Variants in ZFP91 observed in about 807,000 individuals in gnomAD.
ZFP91 encodes ZFP91 zinc finger protein, atypical E3 ubiquitin ligase.
ZFP91 carries 7 observed loss-of-function variants against 63.5 expected under a neutral mutation model. The observed-to-expected ratio is 0.11, with a 90% CI of 0.06 to 0.21. ZFP91 has a LOEUF of 0.21. Ranked by LOEUF, ZFP91 falls within the 10% of genes least tolerant of loss-of-function variation. ZFP91 has a pLI of 1.00. For missense variants in ZFP91, 628 were observed against 736.6 expected (o/e 0.85, Z 1.71); for synonymous variants, 330 against 272.1 (o/e 1.21, Z -2.10).
At chr11:58,603,301 G>A (rs1292212847) in intron 2 of ZFP91, among the ~76,000 whole-genome samples, 2 of 152,218 alleles carry the variant, frequency 1.3e-5, no homozygotes, top group African/African-American at 4.8e-5. Flanking sequence ...TTAGCAAAAA[G>A]GAGCCAGCAC....
chr11:58,589,071 G>GT (rs1055496703), intron 2 of ZFP91, among the ~76,000 whole-genome samples: 5 of 151,968 alleles, frequency 3.3e-5, no homozygotes, highest in African/African-American at 9.6e-5. Flanking sequence ...GGCTTTTAAG[G>GT]TTTTTTTTGT....
rs1266611564 is a variant in ZFP91 at position 58,621,409 on chromosome 11, A to G, written c.*3703A>G. Among the ~76,000 whole-genome samples the G allele has an allele frequency of 2.6e-5, 4 of 152,240 alleles. 1 individual carries two copies. Among genetic ancestry groups the G allele is most frequent in the Non-Finnish European group, 4.4e-5 (3 of 68,042 alleles). ...TACTTCTTCTCAAAATTGAATGTTTATATCAAGTACTGATTTTTATTTTAA... is the reference window on the plus strand; with the variant it reads ...TACTTCTTCTCAAAATTGAATGTTTGTATCAAGTACTGATTTTTATTTTAA... On this transcript the variant is annotated 3_prime_UTR_variant, in exon 11 of 11. Coordinates refer to ENST00000316059, the MANE Select transcript of ZFP91 (RefSeq NM_053023.5).
Position 58,609,847 on chromosome 11 carries a change from G to C in ZFP91, c.388G>C (p.Glu130Gln). Residue 130 changes from glutamate (E) to glutamine (Q), a missense_variant, in exon 3 of 11, where the codon GAG becomes CAG. Physicochemically the swap from Glu to Gln is conservative, Grantham distance 29 (BLOSUM62 2). Transcript: ENST00000316059. Reference protein sequence around the residue: ...TTDKDPKEEKEEEDDSALPQE... With the variant: ...TTDKDPKEEKQEEDDSALPQE... ...TTATTTAGATCCCAAGGAAGAAAAA[G>C]AGGAAGAAGACGATTCTGCCCTCCC... 6.2e-7 allele frequency: 1 copy of C among 1,614,148 alleles called. No individual in the cohort carries two copies. The highest frequency in any genetic ancestry group is 8.5e-7 in the Non-Finnish European group (1 of 1,179,998).
At position 58,617,608 on chromosome 11, in the gene ZFP91, G is replaced by A. The variant is rs143769576; in HGVS notation, c.1615G>A (p.Gly539Ser). ...MADGKIFVGS[G>S]SSGGTEGLVM... is the part of the protein sequence containing the mutation. ...TGATGGGAAGATCTTTGTGGGAAGC[G>A]GCAGCAGTGGAGGCACTGAAGGGCT... Residue 539 changes from glycine (G) to serine (S), a missense_variant, in exon 11 of 11, where the codon GGC becomes AGC. Coordinates refer to ENST00000316059, the MANE Select transcript of ZFP91 (RefSeq NM_053023.5). The surrounding 1 kb of genome is among the most constrained non-coding windows in gnomAD (Gnocchi z 4.2). The A allele has an allele frequency of 5.6e-6, 9 of 1,603,874 alleles. No individual in the cohort carries two copies. Among genetic ancestry groups the A allele is most frequent in the South Asian group, 1.1e-5 (1 of 89,262 alleles).
At chr11:58,599,053 A>G (rs1199751849) in intron 2 of ZFP91, among the ~76,000 whole-genome samples, 1 of 152,058 alleles carries the variant, frequency 6.6e-6, no homozygotes, top group Non-Finnish European at 1.5e-5. Context: ...GAATCATACA[A>G]TATGTGCAAT....
At chr11:58,597,846 T>C (rs1398731018) in intron 2 of ZFP91, among the ~76,000 whole-genome samples, 1 of 152,164 alleles carries the variant, frequency 6.6e-6, no homozygotes, top group African/African-American at 2.4e-5. Flanking sequence ...GCAATTCAAC[T>C]TTTTCTTGTA....
chr11:58,610,559 G>A (rs967638855), intron 4 of ZFP91, among the ~76,000 whole-genome samples: 1 of 152,112 alleles, frequency 6.6e-6, no homozygotes, highest in Non-Finnish European at 1.5e-5. Flanking sequence ...TCTGTGTTTG[G>A]ACTTATTCCA....
Position 58,612,786 on chromosome 11 carries a change from C to A in ZFP91, c.933C>A (p.Val311=). Residue 311 remains valine, a synonymous_variant, in exon 8 of 11, where the codon GTC becomes GTA. Coordinates refer to ENST00000316059, the MANE Select transcript of ZFP91 (RefSeq NM_053023.5). ...GAAAAAAGCCTCCAATCCAGTATGT[C>A]CGTTGTGAGATGGAAGGATGTGGAA... The part of the protein sequence containing the change: ...KRRKKPPIQY[V]RCEMEGCGTV... 6.2e-7 allele frequency: 1 copy of A among 1,610,604 alleles called. No homozygotes were observed. The highest frequency in any genetic ancestry group is 8.5e-7 in the Non-Finnish European group (1 of 1,178,954).
intron 2 of ZFP91, among the ~76,000 whole-genome samples, chr11:58,587,323 CAAAT>C (rs1388792792): frequency 6.6e-6 from 1 of 152,006 alleles, no homozygotes; most frequent in African/African-American, 2.4e-5. Context: ...TACTGGTAAT[CAAAT>C]AAATGAAGAA....
At chr11:58,592,458 C>T (rs1186328555) in intron 2 of ZFP91, among the ~76,000 whole-genome samples, 1 of 152,106 alleles carries the variant, frequency 6.6e-6, no homozygotes, top group Admixed American at 6.6e-5. Context: ...TATATCATTA[C>T]TTTGACCAGA....
chr11:58,615,603 C>T (rs1451653585), intron 9 of ZFP91, among the ~76,000 whole-genome samples: 3 of 152,130 alleles, frequency 2.0e-5, no homozygotes, highest in African/African-American at 7.2e-5. Flanking sequence ...GAAATGTGGA[C>T]ATGACCTGGG....
At chr11:58,601,462 CT>C (rs2134408178) in intron 2 of ZFP91, among the ~76,000 whole-genome samples, 1 of 152,100 alleles carries the variant, frequency 6.6e-6, no homozygotes, top group Non-Finnish European at 1.5e-5. Flanking sequence ...TAATTTGGGT[CT>C]TCTCTTATTA....
intron 2 of ZFP91, among the ~76,000 whole-genome samples, chr11:58,594,377 A>G (rs895015056): frequency 2.0e-5 from 3 of 152,198 alleles, no homozygotes; most frequent in Non-Finnish European, 4.4e-5. Flanking sequence ...GCTAATTCTT[A>G]GCTATAGAGA....
rs1590603370 is a variant in ZFP91 at position 58,579,129 on chromosome 11, T to C, written c.-153T>C. ...GTGGCAGGGGGTGGGGGGGGCGCCC[T>C]CGGAGCCGGGCGGAGGGGAGGGGGG... On this transcript the variant is annotated 5_prime_UTR_variant, in exon 1 of 11. Coordinates refer to ENST00000316059, the MANE Select transcript of ZFP91 (RefSeq NM_053023.5). 3 of 511,854 alleles carry C rather than the reference T, an allele frequency of 5.9e-6. No homozygotes were observed. The Admixed American group carries it at 2.5e-4, about 43-fold the overall frequency. 31.7% of individuals were successfully genotyped at this position (511,854 alleles called of 1,614,324 possible).
chr11:58,591,718 CATT>C (rs1234434528), intron 2 of ZFP91, among the ~76,000 whole-genome samples: 1 of 152,056 alleles, frequency 6.6e-6, no homozygotes, highest in East Asian at 1.9e-4. Flanking sequence ...ATATAGGAAG[CATT>C]ATGCAATGTA....
chr11:58,595,586 T>C (rs1855384092), intron 2 of ZFP91, among the ~76,000 whole-genome samples: 1 of 151,896 alleles, frequency 6.6e-6, no homozygotes, highest in African/African-American at 2.4e-5. Flanking sequence ...TTTTTTTTTT[T>C]TTTGGTTTTG....
intron 9 of ZFP91, among the ~76,000 whole-genome samples, chr11:58,615,661 C>A (rs1855738463): frequency 6.6e-6 from 1 of 152,116 alleles, no homozygotes; most frequent in Non-Finnish European, 1.5e-5. Context: ...TTAGACCTTG[C>A]TATATAAAGT....
chr11:58,612,039 A>G (rs1855673634), intron 6 of ZFP91: 2 of 550,436 alleles, frequency 3.6e-6, no homozygotes, highest in Non-Finnish European at 6.4e-6. Context: ...CTTTCATAGT[A>G]TTGCATAGTT....
chr11:58,602,328 G>T (rs1855503724), intron 2 of ZFP91, among the ~76,000 whole-genome samples: 1 of 152,116 alleles, frequency 6.6e-6, no homozygotes, highest in Non-Finnish European at 1.5e-5. Flanking sequence ...ACTGGTGTTT[G>T]GTTCTGTTAT....
Sources: allele counts gnomAD v4.1 joint callset (sites outside exome capture counted in the v4.1 genomes callset), GRCh38; gene constraint gnomAD v4.1.1; non-coding constraint Gnocchi (gnomAD v3.1); transcripts MANE v1.5; gene names NCBI Gene and HGNC (gene_info 2026-07-23, HGNC 2026-07-21).